ZNF534: variants seen among roughly 807,000 people sequenced by gnomAD.
The protein encoded by ZNF534 is KRAB domain only 3.
A neutral mutation model predicts 13.6 loss-of-function variants in ZNF534; 19 were observed. The ratio of observed to expected loss-of-function variants is 1.40; its 90% CI spans 0.97 to 2.05. The LOEUF (loss-of-function observed/expected upper bound fraction) is 2.05. Among genes scored for constraint, ZNF534 ranks in the 30% most tolerant of loss-of-function variants. The pLI, the probability that ZNF534 is intolerant of heterozygous loss-of-function variation, is 0.00. For synonymous variants in ZNF534, 244 were observed against 273.8 expected, an observed-to-expected ratio of 0.89 and a Z score of 1.07; for missense variants, 782 against 796.3, an observed-to-expected ratio of 0.98 and a Z score of 0.22.
chr19:52,444,434 C>T (rs1380763903), downstream of ZNF534, among the ~76,000 whole-genome samples: 1 of 152,076 alleles, frequency 6.6e-6, no homozygotes, highest in Non-Finnish European at 1.5e-5. Context: ...CTGTGAGGGT[C>T]CTGAGTTTTG....
rs71180465 is a variant in ZNF534 at position 52,449,539 on chromosome 19, ATT to A, written c.272-1640_272-1639del. On this transcript the variant is annotated intron_variant, in intron 4 of 4. Transcript: ENST00000301085. ...CTTTGCATATTCACCAGCATTTGTT[ATT>A]TTTTTTTGTATTTTTGATGATAGCC... 1.7e-3 allele frequency among the ~76,000 whole-genome samples: 256 copies of A among 151,922 alleles called. 1 individual carries two copies. The highest frequency in any genetic ancestry group is 5.7e-3 in the African/African-American group (234 of 41,392).
chr19:52,444,349 G>C (rs545681602), downstream of ZNF534, among the ~76,000 whole-genome samples: 5 of 152,144 alleles, frequency 3.3e-5, no homozygotes, highest in South Asian at 6.2e-4. Flanking sequence ...CCTGTGATAC[G>C]AACTGTCTAT....
At position 52,441,874 on chromosome 19, in the gene ZNF534, T is replaced by G. The variant is rs969764630; in HGVS notation, c.*2428T>G. The stretch of plus-strand genomic sequence containing the variant: ...AAATGTTTTAGTCACAATTCACACC[T>G]TGGACAGCATCAGATAATTTATTCA... On this transcript the variant is annotated 3_prime_UTR_variant, in exon 5 of 5. Transcript: ENST00000433050. 6.6e-6 allele frequency among the ~76,000 whole-genome samples: 1 copy of G among 152,242 alleles called. No homozygotes were observed. The highest frequency in any genetic ancestry group is 1.5e-5 in the Non-Finnish European group (1 of 68,050).
chr19:52,451,438 C>T (rs756871359), exon 5 of ZNF534: 4 of 646,596 alleles, frequency 6.2e-6, no homozygotes, highest in Non-Finnish European at 2.8e-6. Context: ...CAGTGCGGCG[C>T]CGCACGCCCC....
At chr19:52,435,605 G>A (rs1023195386) in intron 4 of ZNF534, among the ~76,000 whole-genome samples, 4 of 152,138 alleles carry the variant, frequency 2.6e-5, no homozygotes, top group Non-Finnish European at 5.9e-5. Context: ...TGGGGCTCAC[G>A]TGATTCTCCC....
chr19:52,442,418 G>A lies in ZNF534; in HGVS notation c.*2972G>A, dbSNP rs548657783. 6.6e-6 allele frequency among the ~76,000 whole-genome samples: 1 copy of A among 152,322 alleles called. No homozygotes were observed. Among genetic ancestry groups the A allele is most frequent in the Admixed American group, 6.5e-5 (1 of 15,300 alleles). On this transcript the variant is annotated 3_prime_UTR_variant, in exon 5 of 5. Coordinates refer to ENST00000433050, the MANE Select transcript of ZNF534 (RefSeq NM_001143938.3). ...AGCCCATCCCTTTGTTTCCCATAAG[G>A]AATGCTTTTATGTAATCTATAATCA...
At chr19:52,444,670 G>C (rs2059188028), downstream of ZNF534, among the ~76,000 whole-genome samples, 1 of 152,030 alleles carries the variant, frequency 6.6e-6, no homozygotes, top group Admixed American at 6.6e-5. Context: ...GGCAGGTCTT[G>C]GTACTGCTGC....
In ZNF534 at chr19:52,442,025, G is replaced by C. The variant is rs1599870121; in HGVS notation, c.*2579G>C. 6.9e-6 allele frequency among the ~76,000 whole-genome samples: 1 copy of C among 144,414 alleles called. No individual in the cohort carries two copies. Among genetic ancestry groups the C allele is most frequent in the African/African-American group, 2.6e-5 (1 of 38,782 alleles). 94.7% of individuals were successfully genotyped at this position (144,414 alleles called of 152,430 possible). On this transcript the variant is annotated 3_prime_UTR_variant, in exon 5 of 5. Coordinates refer to ENST00000433050, the MANE Select transcript of ZNF534 (RefSeq NM_001143938.3). ...TGTATGTGGCACAGGCTTTCCTGAG[G>C]CCTGCCAAATCACTAGAAATCAAAA...
intron 2 of ZNF534, among the ~76,000 whole-genome samples, chr19:52,433,594 CTGACCTCG>C (rs2059106440): frequency 5.3e-5 from 8 of 152,208 alleles, no homozygotes; most frequent in Admixed American, 5.2e-4. Flanking sequence ...TCTTGATCTC[CTGACCTCG>C]TGATCCGACC....
chr19:52,437,654 A>T (rs1599864147), intron 4 of ZNF534, 78 bp from the exon 5 acceptor site: 1 of 1,338,998 alleles, frequency 7.5e-7, no homozygotes, highest in Admixed American at 2.8e-5. Flanking sequence ...GAGTGAAGTG[A>T]TGCAGAATCT....
At chr19:52,436,896 G>A (rs2608493) in intron 4 of ZNF534, among the ~76,000 whole-genome samples, 142,418 of 152,160 alleles carry the variant, frequency 0.94, 66,889 homozygotes, top group Non-Finnish European at 0.96. Flanking sequence ...GGTGTCTGGA[G>A]TTTTATTTAT....
rs2059109935 is a variant in ZNF534 at position 52,433,939 on chromosome 19, G to A, written c.16-16G>A. ...TCTCTCCATACCCTGTTTTTGAAATGTGGATTTCCTTTTAGGGGCAATTGT... is the reference window on the plus strand; with the variant it reads ...TCTCTCCATACCCTGTTTTTGAAATATGGATTTCCTTTTAGGGGCAATTGT... On this transcript the variant is annotated splice_polypyrimidine_tract_variant and intron_variant, in intron 2 of 4. Coordinates refer to ENST00000433050, the MANE Select transcript of ZNF534 (RefSeq NM_001143938.3). 1 of 1,613,498 alleles carries A rather than the reference G, an allele frequency of 6.2e-7. No individual in the cohort carries two copies. The highest frequency in any genetic ancestry group is 1.1e-5 in the South Asian group (1 of 91,074).
At chr19:52,433,069 T>C (rs1273991239) in intron 2 of ZNF534, among the ~76,000 whole-genome samples, 3 of 151,640 alleles carry the variant, frequency 2.0e-5, no homozygotes, top group African/African-American at 7.3e-5. Context: ...GTGGTGAGAC[T>C]CTATCTCTAC....
intron 4 of ZNF534, among the ~76,000 whole-genome samples, chr19:52,449,378 T>TCTCTC (rs2059205108): frequency 9.6e-6 from 1 of 104,640 alleles, no homozygotes; most frequent in African/African-American, 3.8e-5. Flanking sequence ...CTCTCTCTCT[T>TCTCTC]TCTCTCTTTC....
intron 4 of ZNF534, among the ~76,000 whole-genome samples, chr19:52,435,502 ATTTTCTT>A (rs1481782759): frequency 6.6e-6 from 1 of 151,538 alleles, no homozygotes; most frequent in African/African-American, 2.4e-5. Context: ...GACATTTTTC[ATTTTCTT>A]TTTTCTGTTT....
rs767860348 is a variant in ZNF534 at position 52,439,318 on chromosome 19, C to T, written c.1858C>T (p.Arg620Cys). 3.3e-5 allele frequency: 52 copies of T among 1,555,430 alleles called. No individual in the cohort carries two copies. Among genetic ancestry groups the T allele is most frequent in the South Asian group, 3.1e-4 (26 of 84,594 alleles). The change falls in exon 5 of 5, where the codon CGC becomes TGC. Residue 620 changes from arginine (R) to cysteine (C), a missense_variant. Transcript: ENST00000433050. Reference sequence around the variant, plus strand: ...TAGCAAGGTCTTCAGTCGGAATTCACGCCTTGCACAACATAGGAATATTCA... The same window carrying T: ...TAGCAAGGTCTTCAGTCGGAATTCATGCCTTGCACAACATAGGAATATTCA... Reference protein sequence around the residue: ...ECSKVFSRNSRLAQHRNIHTG... With the variant: ...ECSKVFSRNSCLAQHRNIHTG...
Position 52,439,438 on chromosome 19 carries a change from A to G in ZNF534, c.1978A>G (p.Lys660Glu). 1 of 1,511,442 alleles carries G rather than the reference A, an allele frequency of 6.6e-7. No individual in the cohort carries two copies. 93.6% of individuals were successfully genotyped at this position (1,511,442 alleles called of 1,614,324 possible). ...VQHCSIHTRE[K>E]P is the part of the protein sequence containing the mutation. ...ACATTGCAGTATTCATACCAGAGAG[A>G]AGCCTTAAAAATTTAGTGAAGCTGG... Residue 660 changes from lysine to glutamate, a missense_variant, in exon 5 of 5, where the codon AAG becomes GAG. Around this residue, in one of 5 missense-constraint regions of ZNF534, gnomAD observed 60 missense variants for 59.9 expected, o/e 1.00. Coordinates refer to ENST00000433050, the MANE Select transcript of ZNF534 (RefSeq NM_001143938.3).
At chr19:52,451,829 C>T in exon 5 of ZNF534, 1 of 775,386 alleles carries the variant, frequency 1.3e-6, no homozygotes, top group South Asian at 1.4e-5. Flanking sequence ...AAAAGGTGAT[C>T]GAATTGCACA....
chr19:52,438,997 A>AGG lies in ZNF534; in HGVS notation c.1539_1540dup (p.Asp514GlyfsTer119). On this transcript the variant is annotated frameshift_variant, in exon 5 of 5. Coordinates refer to ENST00000433050, the MANE Select transcript of ZNF534 (RefSeq NM_001143938.3). LOFTEE classifies it low-confidence loss of function (END_TRUNC). ...TCAGAATTCACACCTTGCACAACATAGGGATATTCATACTGGAGAGAAGCC... is the reference window on the plus strand; with the variant it reads ...TCAGAATTCACACCTTGCACAACATAGGGGGATATTCATACTGGAGAGAAGCC... The AGG allele has an allele frequency of 5.0e-6, 8 of 1,603,818 alleles. No homozygotes were observed. Among genetic ancestry groups the AGG allele is most frequent in the Non-Finnish European group, 5.1e-6 (6 of 1,174,736 alleles).
Sources: gnomAD v4.1 joint callset for allele counts (sites outside exome capture counted in the v4.1 genomes callset) on GRCh38, gnomAD v4.1.1 for gene constraint, gnomAD v4.1.1 regional missense constraint, MANE v1.5 for transcripts, NCBI Gene and HGNC (gene_info 2026-07-23, HGNC 2026-07-21) for gene names.